FBXL7: variants seen among roughly 807,000 people sequenced by gnomAD.
FBXL7 encodes F-box/LRR-repeat protein 7.
Under a neutral mutation model 38.3 loss-of-function variants are expected in FBXL7, and 12 were observed. The observed-to-expected ratio is 0.31, with a 90% confidence interval of 0.20 to 0.51. The LOEUF is 0.51. Among genes scored for constraint, FBXL7 ranks in the 20% least tolerant of loss-of-function variants. FBXL7 has a pLI of 0.98. For missense variants in FBXL7, 567 were observed against 676.4 expected (o/e 0.84, Z 1.79); for synonymous variants, 297 against 300.9 (o/e 0.99, Z 0.13).
chr5:15,842,567 G>A (rs1374098854), intron 2 of FBXL7, among the ~76,000 whole-genome samples: 1 of 152,136 alleles, frequency 6.6e-6, no homozygotes, highest in Non-Finnish European at 1.5e-5. Flanking sequence ...GGGTCCCAGG[G>A]TGTAATGATA....
At chr5:15,901,386 T>C (rs2126409799) in intron 2 of FBXL7, among the ~76,000 whole-genome samples, 1 of 152,322 alleles carries the variant, frequency 6.6e-6, no homozygotes, top group African/African-American at 2.4e-5. Flanking sequence ...ATGAAGGTTC[T>C]GCCCACATGA....
rs116417972 is a variant in FBXL7, at chr5:15,678,233, T to A, written c.127+62161T>A. ...AGAGAGGAAATCAAAATTAAATTAA[T>A]CCTCTCCAAGGATAAATAAAGTATG... On this transcript the variant is annotated intron_variant, in intron 2 of 3. Transcript: ENST00000504595. Among the ~76,000 whole-genome samples, 1,063 of 152,200 alleles carry A rather than the reference T, an allele frequency of 7.0e-3. 19 individuals are homozygous for A. The highest frequency in any genetic ancestry group is 0.024 in the African/African-American group (1,013 of 41,526).
chr5:15,581,577 A>G (rs1739142055), intron 1 of FBXL7, among the ~76,000 whole-genome samples: 2 of 152,326 alleles, frequency 1.3e-5, no homozygotes, highest in South Asian at 4.1e-4. Flanking sequence ...TGCTCGTTTT[A>G]TGGAATCTTC....
intron 2 of FBXL7, among the ~76,000 whole-genome samples, chr5:15,870,484 C>A (rs1034389786): frequency 1.3e-5 from 2 of 151,964 alleles, no homozygotes; most frequent in Non-Finnish European, 2.9e-5. Flanking sequence ...AGGTTAGATA[C>A]ACCTGGAAGG....
At chr5:15,722,993 G>GA (rs1321915180) in intron 2 of FBXL7, among the ~76,000 whole-genome samples, 4 of 151,322 alleles carry the variant, frequency 2.6e-5, no homozygotes, top group Non-Finnish European at 1.5e-5. Flanking sequence ...CTTGACAAGG[G>GA]AATGGATAAT....
intron 1 of FBXL7, among the ~76,000 whole-genome samples, chr5:15,522,492 A>G (rs1737128088): frequency 1.3e-5 from 2 of 152,306 alleles, no homozygotes; most frequent in South Asian, 4.1e-4. Context: ...GCAAATGCAT[A>G]CTCGACCTCT....
At chr5:15,762,548 T>C (rs1222290366) in intron 2 of FBXL7, among the ~76,000 whole-genome samples, 1 of 152,186 alleles carries the variant, frequency 6.6e-6, no homozygotes, top group Non-Finnish European at 1.5e-5. Context: ...CTTAATATTA[T>C]TAGCTCTGTG....
At chr5:15,655,750 TGAGA>T (rs1301450173) in intron 2 of FBXL7, among the ~76,000 whole-genome samples, 1 of 152,174 alleles carries the variant, frequency 6.6e-6, no homozygotes, top group East Asian at 1.9e-4. Flanking sequence ...ACATGAAAAC[TGAGA>T]GAGACTTACG....
intron 1 of FBXL7, among the ~76,000 whole-genome samples, chr5:15,611,314 T>C (rs1478655068): frequency 4.1e-5 from 6 of 148,090 alleles, no homozygotes; most frequent in African/African-American, 7.7e-5. Flanking sequence ...TTTGCCACTT[T>C]TTTTTTTTTT....
chr5:15,748,853 C>T (rs887590960), intron 2 of FBXL7, among the ~76,000 whole-genome samples: 2 of 152,072 alleles, frequency 1.3e-5, no homozygotes, highest in Non-Finnish European at 2.9e-5. Context: ...TAAGCATGTA[C>T]CACTATACTT....
At chr5:15,914,380 C>G (rs1434649772) in intron 2 of FBXL7, among the ~76,000 whole-genome samples, 1 of 136,674 alleles carries the variant, frequency 7.3e-6, no homozygotes, top group Non-Finnish European at 1.6e-5. Flanking sequence ...AGCAAGACTC[C>G]CTCTCAAAAA....
rs1050293709 is a variant in FBXL7 at position 15,844,188 on chromosome 5, G to A, written c.128-83702G>A. Among the ~76,000 whole-genome samples the A allele has an allele frequency of 4.6e-5, 7 of 152,272 alleles. No homozygotes were observed. The East Asian group carries it at 1.4e-3, about 29-fold the overall frequency. The stretch of plus-strand genomic sequence containing the variant: ...GAAGGAAAAGCAATTGCCAGTAGAA[G>A]CATTTAATTGCATACAGATTGGCCT... On this transcript the variant is annotated intron_variant, in intron 2 of 3. Coordinates refer to ENST00000504595, the MANE Select transcript of FBXL7 (RefSeq NM_012304.5).
intron 2 of FBXL7, among the ~76,000 whole-genome samples, chr5:15,796,313 G>C (rs761833307): frequency 6.6e-6 from 1 of 152,254 alleles, no homozygotes; most frequent in East Asian, 1.9e-4. Context: ...GGCCAAATCT[G>C]TCCTTTCCCT....
intron 2 of FBXL7, among the ~76,000 whole-genome samples, chr5:15,786,550 C>T (rs1053300253): frequency 2.6e-5 from 4 of 152,240 alleles, no homozygotes; most frequent in African/African-American, 9.6e-5. Context: ...TTCTGGGAGG[C>T]TCATTCAATG....
At chr5:15,648,771 A>T (rs117778152) in intron 2 of FBXL7, among the ~76,000 whole-genome samples, 4,307 of 152,258 alleles carry the variant, frequency 0.028, 101 homozygotes, top group East Asian at 0.056. Flanking sequence ...CAGTTGAACG[A>T]TGAACTCCAG....
intron 2 of FBXL7, among the ~76,000 whole-genome samples, chr5:15,872,602 G>A (rs927979752): frequency 1.3e-5 from 2 of 151,942 alleles, no homozygotes; most frequent in African/African-American, 4.8e-5. Context: ...CCAAGCAAAT[G>A]TAAAGCAAGA....
chr5:15,534,552 T>G (rs1737525449), intron 1 of FBXL7, among the ~76,000 whole-genome samples: 1 of 152,246 alleles, frequency 6.6e-6, no homozygotes, highest in African/African-American at 2.4e-5. Flanking sequence ...CACAATTTAT[T>G]AATTCATCTA....
intron 2 of FBXL7, among the ~76,000 whole-genome samples, chr5:15,688,633 G>A (rs1743090185): frequency 1.3e-5 from 2 of 152,026 alleles, no homozygotes; most frequent in Admixed American, 6.6e-5. Flanking sequence ...TATATCCGAG[G>A]GCTCTCCAGG....
At chr5:15,787,781 A>G (rs1472153212) in intron 2 of FBXL7, among the ~76,000 whole-genome samples, 1 of 152,182 alleles carries the variant, frequency 6.6e-6, no homozygotes, top group East Asian at 1.9e-4. Flanking sequence ...AATGCCTTGG[A>G]CATGCCCTGG....
Sources: allele counts gnomAD v4.1 joint callset (sites outside exome capture counted in the v4.1 genomes callset), GRCh38; gene constraint gnomAD v4.1.1; transcripts MANE v1.5; gene names NCBI Gene and HGNC (gene_info 2026-07-23, HGNC 2026-07-21).